HERC1: variants seen among roughly 807,000 people sequenced by gnomAD.
HERC1 encodes the protein probable E3 ubiquitin-protein ligase HERC1.
A neutral mutation model predicts 554.3 loss-of-function variants in HERC1; 160 were observed. The observed-to-expected ratio is 0.29, with a 90% CI of 0.25 to 0.33. The LOEUF (loss-of-function observed/expected upper bound fraction) is 0.33. Ranked by LOEUF, HERC1 falls within the 10% of genes least tolerant of loss-of-function variation. The pLI is 1.00. For missense variants in HERC1, 4,919 were observed against 5,918.5 expected (o/e 0.83, Z 5.54); for synonymous variants, 2,175 against 2,131.7 (o/e 1.02, Z -0.56).
chr15:63,730,240 A>T (rs1435691921), intron 14 of HERC1, among the ~76,000 whole-genome samples: 1 of 151,688 alleles, frequency 6.6e-6, no homozygotes, highest in African/African-American at 2.4e-5. Context: ...AGACTGCCTG[A>T]GGTCAGGAGT....
chr15:63,760,868 A>G (rs2075588536), intron 3 of HERC1, among the ~76,000 whole-genome samples: 2 of 152,180 alleles, frequency 1.3e-5, no homozygotes, highest in Non-Finnish European at 2.9e-5. Context: ...AATAATATCA[A>G]GACATATTCT....
intron 12 of HERC1, among the ~76,000 whole-genome samples, chr15:63,743,263 CTT>C (rs71131177): frequency 1.3e-4 from 14 of 109,174 alleles, no homozygotes; most frequent in East Asian, 9.8e-4. Flanking sequence ...TTTTCTTTTT[CTT>C]TTTTTTTTTT....
intron 52 of HERC1, among the ~76,000 whole-genome samples, chr15:63,652,037 AAAAAG>A (rs141875254): frequency 7.2e-5 from 11 of 152,048 alleles, no homozygotes; most frequent in African/African-American, 7.2e-5. Context: ...CTCAGTCTCA[AAAAAG>A]AAAAAAACAA....
chr15:63,637,456 T>C, intron 64 of HERC1, 49 bp downstream of exon 64: 6 of 1,506,850 alleles, frequency 4.0e-6, no homozygotes, highest in Non-Finnish European at 5.4e-6. Context: ...CGACCAAACC[T>C]ACATTAGGCC....
chr15:63,830,670 A>C (rs894495963), intron 1 of HERC1, among the ~76,000 whole-genome samples: 4 of 152,232 alleles, frequency 2.6e-5, no homozygotes, highest in African/African-American at 9.6e-5. Context: ...GGTGAAGAGT[A>C]TGTAAGAACT....
rs767027749 is a variant in HERC1, at chr15:63,664,526, G to A, written c.8624C>T (p.Ala2875Val). Reference sequence around the variant, plus strand: ...GTCAAACTTGTGTCTTCTTGTTACCGCTGAGCGACCTCTAGCTGATGGTCC... The same window carrying A: ...GTCAAACTTGTGTCTTCTTGTTACCACTGAGCGACCTCTAGCTGATGGTCC... ...GSGPSARGRS[A>V]VTRRHKFDLA... The change falls in exon 43 of 78, where the codon GCG becomes GTG. Residue 2875 changes from alanine to valine, a missense_variant. Physicochemically the swap from Ala to Val is moderately conservative, Grantham distance 64. Transcript: ENST00000443617. 66 of 1,613,408 alleles carry A rather than the reference G, an allele frequency of 4.1e-5. No individual in the cohort carries two copies. The highest frequency in any genetic ancestry group is 4.8e-5 in the Non-Finnish European group (57 of 1,179,584).
chr15:63,668,430 C>T (rs899606001), intron 40 of HERC1, among the ~76,000 whole-genome samples: 5 of 152,104 alleles, frequency 3.3e-5, no homozygotes, highest in African/African-American at 9.7e-5. Context: ...GAGGTTGAGG[C>T]TACAGTGACC....
At position 63,672,484 on chromosome 15, in the gene HERC1, C is replaced by T; in HGVS notation, c.8045+12G>A. 6.4e-7 allele frequency: 1 copy of T among 1,568,790 alleles called. No homozygotes were observed. Among genetic ancestry groups the T allele is most frequent in the Non-Finnish European group, 8.7e-7 (1 of 1,155,390 alleles). On this transcript the variant is annotated intron_variant, in intron 39 of 77. Transcript: ENST00000443617. ...CATCAGTATGGCAGACATTAAAGGT[C>T]AACTTCTCTACCTGAGAAGACTAAG...
chr15:63,696,357 A>G lies in HERC1; in HGVS notation c.4906-18T>C. 6.4e-7 allele frequency: 1 copy of G among 1,564,610 alleles called. No individual in the cohort carries two copies. The highest frequency in any genetic ancestry group is 1.4e-5 in the African/African-American group (1 of 74,050). On this transcript the variant is annotated intron_variant, in intron 26 of 77. Coordinates refer to ENST00000443617, the MANE Select transcript of HERC1 (RefSeq NM_003922.4). Reference sequence around the variant, plus strand: ...AAACGAAGCTTGAGGAAAAAAACATATTTTAGAGTTCTTCACTTAACTCAG... The same window carrying G: ...AAACGAAGCTTGAGGAAAAAAACATGTTTTAGAGTTCTTCACTTAACTCAG...
At chr15:63,672,045 G>T (rs1276397142) in intron 39 of HERC1, among the ~76,000 whole-genome samples, 1 of 152,148 alleles carries the variant, frequency 6.6e-6, no homozygotes, top group Non-Finnish European at 1.5e-5. Context: ...CCTTTCGTTT[G>T]AAAAGCAGAC....
At position 63,675,783 on chromosome 15, in the gene HERC1, G is replaced by A. The variant is rs1442713968; in HGVS notation, c.7071-666C>T. Among the ~76,000 whole-genome samples, 7 of 151,994 alleles carry A rather than the reference G, an allele frequency of 4.6e-5. No individual in the cohort carries two copies. The South Asian group carries it at 6.2e-4, about 14-fold the overall frequency. On this transcript the variant is annotated intron_variant, in intron 37 of 77. Transcript: ENST00000443617. ...CAAAATGTAATAAAAAGCTTTTGCT[G>A]GTATAAAGTTTTGTTGTTCTAACCT...
At chr15:63,645,170 CAATT>C in intron 56 of HERC1, 73 bp from the exon 57 acceptor site, 3 of 1,075,124 alleles carry the variant, frequency 2.8e-6, no homozygotes, top group Non-Finnish European at 4.3e-6. Context: ...GAATTGCAAT[CAATT>C]AAGATCTGAT....
Position 63,774,702 on chromosome 15 carries a change from G to A in HERC1, c.922C>T (p.Arg308Cys), listed in dbSNP as rs748144670. Reference sequence around the variant, plus strand: ...AGACTTATAGTACGTACCAAAGAACGCCTCATCTGCATTAATATGGTCATA... The same window carrying A: ...AGACTTATAGTACGTACCAAAGAACACCTCATCTGCATTAATATGGTCATA... Reference protein sequence around the residue: ...CFMTILMQMRRSLGSSADRSQ... With the variant: ...CFMTILMQMRCSLGSSADRSQ... The change falls in exon 2 of 78, where the codon CGT becomes TGT. Residue 308 changes from arginine (R) to cysteine (C), a missense_variant. By Grantham distance (180) the Arg-to-Cys change is radical. Transcript: ENST00000443617. 1.8e-5 allele frequency: 28 copies of A among 1,597,308 alleles called. No individual in the cohort carries two copies. The highest frequency in any genetic ancestry group is 8.9e-5 in the Admixed American group (5 of 56,302).
chr15:63,636,230 A>C, intron 64 of HERC1, 88 bp from the exon 65 acceptor site: 1 of 1,145,904 alleles, frequency 8.7e-7, no homozygotes, highest in Non-Finnish European at 1.2e-6. Flanking sequence ...CCTCAATCAA[A>C]AACCACCGAA....
At chr15:63,679,290 C>T (rs2071357874) in intron 36 of HERC1, among the ~76,000 whole-genome samples, 1 of 152,086 alleles carries the variant, frequency 6.6e-6, no homozygotes. Context: ...CCTGGCTGTC[C>T]AAGAAACAGT....
intron 1 of HERC1, among the ~76,000 whole-genome samples, chr15:63,807,807 C>CTGTT (rs551388882): frequency 7.5e-4 from 114 of 152,222 alleles, no homozygotes; most frequent in Middle Eastern, 3.4e-3. Context: ...CCCACTCATG[C>CTGTT]TGTTGTCCTC....
chr15:63,654,085 C>A, intron 51 of HERC1, 34 bp downstream of exon 51: 2 of 1,514,142 alleles, frequency 1.3e-6, no homozygotes, highest in Non-Finnish European at 1.8e-6. Flanking sequence ...TCTTACATAA[C>A]GTGATTAACA....
At chr15:63,702,414 G>A (rs1006817829) in intron 25 of HERC1, among the ~76,000 whole-genome samples, 2 of 152,142 alleles carry the variant, frequency 1.3e-5, no homozygotes, top group Non-Finnish European at 2.9e-5. Flanking sequence ...GATTAGGGGC[G>A]ATAATCAAAC....
chr15:63,649,223 A>G (rs1324067437), intron 54 of HERC1, among the ~76,000 whole-genome samples: 4 of 151,978 alleles, frequency 2.6e-5, no homozygotes, highest in African/African-American at 4.8e-5. Context: ...CGTGGTGGCG[A>G]GTGCCTGTAA....
Sources: gnomAD v4.1 joint callset for allele counts (sites outside exome capture counted in the v4.1 genomes callset) on GRCh38, gnomAD v4.1.1 for gene constraint, MANE v1.5 for transcripts, NCBI Gene and HGNC (gene_info 2026-07-23, HGNC 2026-07-21) for gene names.